The following DRC9 variants were observed in gnomAD, a reference collection of about 807,000 sequenced individuals.
DRC9 encodes the protein dynein regulatory complex protein 9.
chr3:197,934,991 AT>A, the DRC9 span, among the ~76,000 whole-genome samples: 1 of 152,022 alleles, frequency 6.6e-6, no homozygotes, highest in Non-Finnish European at 1.5e-5. Flanking sequence ...TAATAATAAA[AT>A]AAAAATTAAA....
At chr3:197,891,457 T>G in the DRC9 span, 6 of 1,574,584 alleles carry the variant, frequency 3.8e-6, no homozygotes, top group Middle Eastern at 1.7e-4. Context: ...TTTATAACGC[T>G]CTTTAATTCC....
chr3:197,895,342 T>C, the DRC9 span, among the ~76,000 whole-genome samples: 1 of 152,184 alleles, frequency 6.6e-6, no homozygotes, highest in Non-Finnish European at 1.5e-5. Context: ...CAATCTTAGT[T>C]CACTGCAGCC....
chr3:197,901,530 T>G, the DRC9 span, among the ~76,000 whole-genome samples: 1 of 152,222 alleles, frequency 6.6e-6, no homozygotes. The surrounding 1 kb of genome is among the most constrained non-coding windows in gnomAD (Gnocchi z 4.4). Flanking sequence ...CCTGGCAGCA[T>G]TCACCACAAA....
At chr3:197,954,225 C>A in the DRC9 span, 2 of 1,492,488 alleles carry the variant, frequency 1.3e-6, no homozygotes, top group South Asian at 1.1e-5. Context: ...CTTCTGAGGA[C>A]TTCTGTGGTT....
At chr3:197,891,617 A>G in the DRC9 span, 5 of 743,820 alleles carry the variant, frequency 6.7e-6, no homozygotes, top group Non-Finnish European at 1.1e-5. Flanking sequence ...CCAGCCCTGC[A>G]CTTTTAATAT....
the DRC9 span, among the ~76,000 whole-genome samples, chr3:197,910,375 C>T: frequency 1.3e-4 from 20 of 152,242 alleles, no homozygotes; most frequent in East Asian, 3.1e-3. Context: ...GAAACTCTGG[C>T]GTCATCCCTT....
At chr3:197,932,114 G>C in the DRC9 span, 1 of 1,544,186 alleles carries the variant, frequency 6.5e-7, no homozygotes, top group Non-Finnish European at 8.8e-7. Flanking sequence ...AGGATTTCCA[G>C]TAAGAGTGTT....
the DRC9 span, among the ~76,000 whole-genome samples, chr3:197,894,789 C>T: frequency 8.5e-5 from 13 of 152,242 alleles, no homozygotes; most frequent in African/African-American, 2.6e-4. Flanking sequence ...TTACACTGAG[C>T]GGGGTGGCTT....
chr3:197,928,046 T>G, the DRC9 span, among the ~76,000 whole-genome samples: 1 of 152,140 alleles, frequency 6.6e-6, no homozygotes, highest in African/African-American at 2.4e-5. Flanking sequence ...CCATGGCACA[T>G]GTATACCTAT....
the DRC9 span, among the ~76,000 whole-genome samples, chr3:197,915,750 C>T: frequency 6.6e-6 from 1 of 151,860 alleles, no homozygotes; most frequent in South Asian, 2.1e-4. Flanking sequence ...CTGCCTCAGC[C>T]TTCTGAGTAG....
At chr3:197,938,620 T>G in the DRC9 span, 3 of 1,614,162 alleles carry the variant, frequency 1.9e-6, no homozygotes, top group Non-Finnish European at 2.5e-6. Flanking sequence ...GAAGACAAGA[T>G]CCTGCATTTT....
At chr3:197,907,709 GT>G in the DRC9 span, among the ~76,000 whole-genome samples, 4 of 152,264 alleles carry the variant, frequency 2.6e-5, no homozygotes, top group Admixed American at 1.3e-4. Flanking sequence ...GGTCTGAAGA[GT>G]GAGCCGTTTC....
At chr3:197,900,923 T>G in the DRC9 span, among the ~76,000 whole-genome samples, 533 of 152,128 alleles carry the variant, frequency 3.5e-3, 4 homozygotes, top group South Asian at 6.2e-3. The surrounding 1 kb of genome is among the most constrained non-coding windows in gnomAD (Gnocchi z 4.7). Context: ...CCCCGGGCCC[T>G]GAATAACCAG....
chr3:197,943,740 A>G, the DRC9 span: 4 of 1,573,506 alleles, frequency 2.5e-6, no homozygotes, highest in African/African-American at 5.4e-5. Flanking sequence ...AGAAATAAAA[A>G]ATAAAGCAAA....
chr3:197,945,554 C>A, the DRC9 span: 1 of 1,082,636 alleles, frequency 9.2e-7, no homozygotes, highest in Admixed American at 2.1e-5. Flanking sequence ...AAGGTATACA[C>A]AGAAATTTAA....
At chr3:197,948,163 C>T in the DRC9 span, among the ~76,000 whole-genome samples, 1 of 152,010 alleles carries the variant, frequency 6.6e-6, no homozygotes, top group African/African-American at 2.4e-5. Context: ...AAACTCCTGA[C>T]CTCAAGTGAT....
At chr3:197,899,718 G>A in the DRC9 span, among the ~76,000 whole-genome samples, 1 of 152,102 alleles carries the variant, frequency 6.6e-6, no homozygotes, top group East Asian at 1.9e-4. Flanking sequence ...GTGAGAGGGC[G>A]AAATAGAAGC....
chr3:197,898,291 A>G, the DRC9 span, among the ~76,000 whole-genome samples: 1 of 152,240 alleles, frequency 6.6e-6, no homozygotes, highest in Non-Finnish European at 1.5e-5. Context: ...TTGGAAAGGA[A>G]TGACAATGTA....
the DRC9 span, chr3:197,951,424 C>A: frequency 3.4e-6 from 4 of 1,180,872 alleles, no homozygotes; most frequent in Non-Finnish European, 2.5e-6. Flanking sequence ...CTTGGTCTCC[C>A]TCACCGAAAC....
Sources: gnomAD v4.1 joint callset for allele counts (sites outside exome capture counted in the v4.1 genomes callset) on GRCh38, gnomAD v4.1.1 for gene constraint, Gnocchi (gnomAD v3.1) non-coding constraint, MANE v1.5 for transcripts, NCBI Gene and HGNC (gene_info 2026-07-23, HGNC 2026-07-21) for gene names.